ARHGEF3: variants seen among roughly 807,000 people sequenced by gnomAD.
The protein encoded by ARHGEF3 is Rho guanine nucleotide exchange factor 3.
In ARHGEF3, 28 loss-of-function variants were observed where a neutral mutation model predicts 63.2. The ratio of observed to expected loss-of-function variants is 0.44; its 90% confidence interval spans 0.33 to 0.61. ARHGEF3 has a LOEUF of 0.61. Among genes scored for constraint, ARHGEF3 ranks in the 20% least tolerant of loss-of-function variants. The pLI, the probability that ARHGEF3 is intolerant of heterozygous loss-of-function variation, is 0.03. For synonymous variants in ARHGEF3, 266 were observed against 254.2 expected (o/e 1.05, Z -0.44); for missense variants, 533 against 659.3 (o/e 0.81, Z 2.10).
At chr3:57,054,497 G>T (rs1223263483) in intron 1 of ARHGEF3, among the ~76,000 whole-genome samples, 1 of 151,040 alleles carries the variant, frequency 6.6e-6, no homozygotes, top group Non-Finnish European at 1.5e-5. Flanking sequence ...AAAAAGTCGG[G>T]CATGATGGTG....
intron 2 of ARHGEF3, among the ~76,000 whole-genome samples, chr3:56,981,355 G>GTGAA (rs1399842271): frequency 6.6e-6 from 1 of 152,156 alleles, no homozygotes; most frequent in Non-Finnish European, 1.5e-5. Flanking sequence ...ATCCATGACA[G>GTGAA]TGAAGCTCAC....
intron 2 of ARHGEF3, among the ~76,000 whole-genome samples, chr3:57,031,476 T>A (rs186205374): frequency 1.2e-4 from 18 of 152,324 alleles, no homozygotes; most frequent in Admixed American, 4.6e-4. Flanking sequence ...TGACCCACTG[T>A]GGGAGATACT....
intron 3 of ARHGEF3, among the ~76,000 whole-genome samples, chr3:56,923,065 T>C (rs1022947916): frequency 3.1e-5 from 1 of 32,298 alleles, no homozygotes; most frequent in African/African-American, 9.7e-5. Flanking sequence ...TATATATATA[T>C]ATATATATAT....
At chr3:56,931,217 A>G (rs901509242) in intron 3 of ARHGEF3, among the ~76,000 whole-genome samples, 3 of 152,130 alleles carry the variant, frequency 2.0e-5, no homozygotes, top group African/African-American at 4.8e-5. Flanking sequence ...AACACATTAG[A>G]CTATAATTAC....
At chr3:57,059,996 CAAAAATAAAAAT>C (rs1225160543) in intron 1 of ARHGEF3, among the ~76,000 whole-genome samples, 1 of 150,108 alleles carries the variant, frequency 6.7e-6, no homozygotes, top group Admixed American at 6.7e-5. Flanking sequence ...AACTCTATCT[CAAAAATAAAAAT>C]AAAAATAAAA....
chr3:56,970,522 G>A (rs1038788980), intron 2 of ARHGEF3, among the ~76,000 whole-genome samples: 4 of 152,138 alleles, frequency 2.6e-5, no homozygotes, highest in Non-Finnish European at 5.9e-5. Context: ...GTCACTCAAC[G>A]ATGATAAGAA....
intron 1 of ARHGEF3, among the ~76,000 whole-genome samples, chr3:57,051,701 C>T (rs1484003756): frequency 6.6e-6 from 1 of 151,948 alleles, no homozygotes; most frequent in Non-Finnish European, 1.5e-5. Context: ...CGGTGGCTCA[C>T]GCCTGTAATC....
intron 9 of ARHGEF3, among the ~76,000 whole-genome samples, chr3:56,730,447 C>A (rs78634316): frequency 1.3e-5 from 2 of 150,460 alleles, no homozygotes; most frequent in Non-Finnish European, 3.0e-5. Context: ...ACACAATCTC[C>A]GCTCACTGCA....
At chr3:56,743,058 CCA>C (rs2034144119) in intron 7 of ARHGEF3, among the ~76,000 whole-genome samples, 1 of 152,158 alleles carries the variant, frequency 6.6e-6, no homozygotes, top group African/African-American at 2.4e-5. Flanking sequence ...TTCCTGCAGA[CCA>C]CACACTTGCT....
chr3:56,838,954 A>G (rs1305013074), intron 4 of ARHGEF3, among the ~76,000 whole-genome samples: 1 of 151,594 alleles, frequency 6.6e-6, no homozygotes, highest in Admixed American at 6.6e-5. Context: ...ACATAGTGAG[A>G]CCCCCCTATC....
At chr3:57,010,229 C>T (rs1404968640) in intron 2 of ARHGEF3, among the ~76,000 whole-genome samples, 5 of 151,930 alleles carry the variant, frequency 3.3e-5, no homozygotes, top group South Asian at 4.2e-4. Context: ...CCAAGGCGGG[C>T]AGATCACGAG....
At chr3:57,021,135 G>A (rs1220362417) in intron 2 of ARHGEF3, among the ~76,000 whole-genome samples, 1 of 152,158 alleles carries the variant, frequency 6.6e-6, no homozygotes, top group African/African-American at 2.4e-5. Context: ...AAGCACAGCT[G>A]TAACCAAACA....
chr3:57,076,923 C>G (rs181062453), intron 1 of ARHGEF3: 2 of 152,210 alleles, frequency 1.3e-5, no homozygotes, highest in Non-Finnish European at 2.9e-5. Flanking sequence ...AAGATCATCC[C>G]GGGCAAGCTC....
intron 4 of ARHGEF3, among the ~76,000 whole-genome samples, chr3:56,874,840 T>C (rs546259253): frequency 2.6e-5 from 4 of 152,328 alleles, no homozygotes; most frequent in African/African-American, 9.6e-5. Flanking sequence ...ACTGTGACTT[T>C]GAACTAATTG....
Position 56,918,721 on chromosome 3 carries a change from C to T in ARHGEF3, c.130-36367G>A, listed in dbSNP as rs546679014. On this transcript the variant is annotated intron_variant, in intron 3 of 12. Transcript: ENST00000338458. Reference sequence around the variant, plus strand: ...TTCAATAGTAAGAGGCTCTGATCCGCAAGGTCCACGTTCATTTTGAGCTTT... The same window carrying T: ...TTCAATAGTAAGAGGCTCTGATCCGTAAGGTCCACGTTCATTTTGAGCTTT... 5.3e-5 allele frequency among the ~76,000 whole-genome samples: 8 copies of T among 152,292 alleles called. No individual in the cohort carries two copies. The South Asian group carries it at 1.7e-3, about 32-fold the overall frequency.
intron 4 of ARHGEF3, among the ~76,000 whole-genome samples, chr3:56,879,440 T>G (rs2040696240): frequency 6.6e-6 from 1 of 152,244 alleles, no homozygotes; most frequent in Non-Finnish European, 1.5e-5. Context: ...TTATCAAGAA[T>G]CTACTGTGTA....
intron 2 of ARHGEF3, among the ~76,000 whole-genome samples, chr3:57,023,708 A>G (rs1703354628): frequency 6.6e-6 from 1 of 152,136 alleles, no homozygotes; most frequent in African/African-American, 2.4e-5. Context: ...CTTGGCACAC[A>G]CTGCCCCTTC....
rs768967179 is a variant in ARHGEF3 at position 56,728,359 on chromosome 3, T to C, written c.*911A>G. 7.9e-5 allele frequency: 12 copies of C among 152,710 alleles called. No individual in the cohort carries two copies. Among genetic ancestry groups the C allele is most frequent in the Non-Finnish European group, 1.3e-4 (9 of 68,084 alleles). The allele number at this position is 152,710 out of a possible 1,614,324, so 9.5% of individuals were successfully genotyped here. A position where few individuals can be genotyped will look rare whatever the true frequency, so the allele number is the denominator to read the frequency against. On this transcript the variant is annotated 3_prime_UTR_variant, in exon 10 of 10. Coordinates refer to ENST00000296315, the MANE Select transcript of ARHGEF3 (RefSeq NM_019555.3). The stretch of plus-strand genomic sequence containing the variant: ...CCAAATTCTTCCTCTCCTGTGTTTC[T>C]ATAAACAGTGTCATCGATAGAGTCA...
At position 56,798,776 on chromosome 3, in the gene ARHGEF3, T is replaced by G. The variant is rs566127249; in HGVS notation, c.96+2927A>C. 4.6e-5 allele frequency among the ~76,000 whole-genome samples: 7 copies of G among 152,116 alleles called. No individual in the cohort carries two copies. In the South Asian group the frequency reaches 1.4e-3, roughly 31 times the overall value. On this transcript the variant is annotated intron_variant, in intron 1 of 9. Transcript: ENST00000296315. ...AAGCTGCATCAAAGATCAGAAGAAA[T>G]AAACTTAATGCTCGTATCATATCAC...
Sources: gnomAD v4.1 joint callset for allele counts (sites outside exome capture counted in the v4.1 genomes callset) on GRCh38, gnomAD v4.1.1 for gene constraint, MANE v1.5 for transcripts, NCBI Gene and HGNC (gene_info 2026-07-23, HGNC 2026-07-21) for gene names.